Variants in NCAM2 observed in about 807,000 individuals in gnomAD.
NCAM2 encodes the protein neural cell adhesion molecule 2.
NCAM2 carries 30 observed loss-of-function variants against 98.1 expected under a neutral mutation model. The ratio of observed to expected loss-of-function variants is 0.31; its 90% CI spans 0.23 to 0.41. NCAM2 has a LOEUF of 0.41. NCAM2 is among the 10% of genes least tolerant of loss of function. The pLI is 1.00. For synonymous variants in NCAM2, 368 were observed against 342.4 expected (o/e 1.07, Z -0.83); for missense variants, 867 against 1,005.8 (o/e 0.86, Z 1.87).
In NCAM2 at chr21:21,320,315, T is replaced by G. The variant is rs557668001; in HGVS notation, c.620-4068T>G. On this transcript the variant is annotated intron_variant, in intron 5 of 17. Coordinates refer to ENST00000400546, the MANE Select transcript of NCAM2 (RefSeq NM_004540.5). ...TTGTATGTACGTATTTAGTTTATAG[T>G]AATCAGGAAGATAGACTTTTTTTTT... 3.9e-5 allele frequency among the ~76,000 whole-genome samples: 6 copies of G among 152,314 alleles called. No homozygotes were observed. In the South Asian group the frequency reaches 1.2e-3, roughly 32 times the overall value.
At chr21:21,416,038 A>G (rs746766275) in intron 10 of NCAM2, among the ~76,000 whole-genome samples, 5 of 152,032 alleles carry the variant, frequency 3.3e-5, no homozygotes, top group Non-Finnish European at 4.4e-5. Flanking sequence ...GTTTTAGCCT[A>G]TCTTGGTTTT....
chr21:21,475,440 C>T (rs1262100855), intron 14 of NCAM2, among the ~76,000 whole-genome samples: 3 of 152,118 alleles, frequency 2.0e-5, no homozygotes, highest in Non-Finnish European at 2.9e-5. Flanking sequence ...AGAAAGTCCT[C>T]ACTAATCAAT....
intron 11 of NCAM2, among the ~76,000 whole-genome samples, chr21:21,419,712 A>G (rs1028854544): frequency 2.1e-4 from 32 of 151,994 alleles, no homozygotes; most frequent in Admixed American, 3.9e-4. Context: ...ATGGCTGCAT[A>G]GTATTCCATG....
chr21:21,203,584 T>C lies in NCAM2; in HGVS notation c.56-76994T>C, dbSNP rs142710132. ...CAGGTTACAAATTTTGTATCATTCA[T>C]TCCTGGATCACAGAATCTATTGCAT... On this transcript the variant is annotated intron_variant, in intron 1 of 17. Transcript: ENST00000400546. Among the ~76,000 whole-genome samples, 340 of 152,324 alleles carry C rather than the reference T, an allele frequency of 2.2e-3. 6 individuals are homozygous for C. Among genetic ancestry groups the C allele is most frequent in the Admixed American group, 0.019 (292 of 15,288 alleles).
intron 8 of NCAM2, among the ~76,000 whole-genome samples, chr21:21,363,419 A>G (rs2075698891): frequency 1.3e-5 from 2 of 152,134 alleles, no homozygotes; most frequent in Admixed American, 1.3e-4. Flanking sequence ...TTTTCCCTGT[A>G]CTATAAATAC....
At chr21:21,124,735 A>C (rs948655864) in intron 1 of NCAM2, among the ~76,000 whole-genome samples, 1 of 152,082 alleles carries the variant, frequency 6.6e-6, no homozygotes, top group Non-Finnish European at 1.5e-5. Context: ...CACACCTCCA[A>C]TTCTCACCCT....
intron 1 of NCAM2, among the ~76,000 whole-genome samples, chr21:21,040,667 A>G (rs1020971817): frequency 1.3e-5 from 2 of 152,154 alleles, no homozygotes; most frequent in African/African-American, 4.8e-5. Context: ...TATGTTAAGT[A>G]AAATAAGTCA....
intron 12 of NCAM2, among the ~76,000 whole-genome samples, chr21:21,455,372 AT>A (rs1482012954): frequency 6.6e-6 from 1 of 151,788 alleles, no homozygotes; most frequent in Non-Finnish European, 1.5e-5. Context: ...AGAAATACTC[AT>A]TTTTTTGAGC....
chr21:21,200,597 T>C (rs1429742198), intron 1 of NCAM2, among the ~76,000 whole-genome samples: 7 of 151,980 alleles, frequency 4.6e-5, no homozygotes, highest in Non-Finnish European at 1.0e-4. Context: ...TAAAATCAGA[T>C]TCATAGAAAA....
chr21:21,205,177 G>A (rs533098953), intron 1 of NCAM2, among the ~76,000 whole-genome samples: 6 of 152,138 alleles, frequency 3.9e-5, no homozygotes, highest in Admixed American at 2.6e-4. Flanking sequence ...TTCACCTGCC[G>A]ACAAAAATTA....
intron 1 of NCAM2, among the ~76,000 whole-genome samples, chr21:21,224,069 A>G (rs769198762): frequency 8.5e-5 from 13 of 152,170 alleles, no homozygotes; most frequent in Non-Finnish European, 1.5e-4. Flanking sequence ...TTTCTTGTGA[A>G]GCCACTGACA....
intron 1 of NCAM2, among the ~76,000 whole-genome samples, chr21:21,021,004 A>G (rs2064423148): frequency 6.6e-6 from 1 of 152,096 alleles, no homozygotes; most frequent in Non-Finnish European, 1.5e-5. Context: ...TTGGTAAGGT[A>G]GGTTGGCCAG....
At chr21:21,326,681 AT>A (rs2074519551) in intron 6 of NCAM2, among the ~76,000 whole-genome samples, 1 of 152,096 alleles carries the variant, frequency 6.6e-6, no homozygotes, top group South Asian at 2.1e-4. Context: ...TTAAATTTAT[AT>A]TTTTTCTTCT....
intron 1 of NCAM2, among the ~76,000 whole-genome samples, chr21:21,134,575 A>T (rs548644607): frequency 6.6e-6 from 1 of 152,286 alleles, no homozygotes; most frequent in African/African-American, 2.4e-5. Flanking sequence ...AGTGTCCTAA[A>T]ACTGTCTATC....
chr21:21,182,444 G>GT lies in NCAM2; in HGVS notation c.56-98130dup, dbSNP rs1020670740. Reference sequence around the variant, plus strand: ...TTTTCACATTAAATCCAGAATATGTGTTTTCAGATGAAATGAATTCCTCCA... The same window carrying GT: ...TTTTCACATTAAATCCAGAATATGTGTTTTTCAGATGAAATGAATTCCTCCA... On this transcript the variant is annotated intron_variant, in intron 1 of 17. Transcript: ENST00000400546. 1.2e-4 allele frequency among the ~76,000 whole-genome samples: 19 copies of GT among 152,138 alleles called. 1 individual carries two copies. The highest frequency in any genetic ancestry group is 1.3e-4 in the Non-Finnish European group (9 of 68,008).
intron 16 of NCAM2, among the ~76,000 whole-genome samples, chr21:21,512,354 A>G (rs1229251808): frequency 2.6e-5 from 4 of 151,966 alleles, no homozygotes; most frequent in East Asian, 1.9e-4. Flanking sequence ...AGACTTCCCT[A>G]TCTCCAATGT....
intron 1 of NCAM2, among the ~76,000 whole-genome samples, chr21:21,201,077 A>G (rs1452819274): frequency 1.3e-5 from 2 of 152,136 alleles, no homozygotes; most frequent in African/African-American, 4.8e-5. Context: ...ATGAGAGACT[A>G]CTGATACTTC....
At chr21:21,406,616 T>C (rs2076743610) in intron 9 of NCAM2, among the ~76,000 whole-genome samples, 1 of 152,170 alleles carries the variant, frequency 6.6e-6, no homozygotes. Flanking sequence ...TTTCTCCACC[T>C]CCAGTGAATG....
At chr21:21,517,160 C>T (rs1384212117) in intron 16 of NCAM2, among the ~76,000 whole-genome samples, 2 of 152,178 alleles carry the variant, frequency 1.3e-5, no homozygotes, top group African/African-American at 4.8e-5. Context: ...TCCAGTTCCA[C>T]TTCAATTCCA....
Sources: allele counts gnomAD v4.1 joint callset (sites outside exome capture counted in the v4.1 genomes callset), GRCh38; gene constraint gnomAD v4.1.1; transcripts MANE v1.5; gene names NCBI Gene and HGNC (gene_info 2026-07-23, HGNC 2026-07-21).